CLASP1: variants seen among roughly 807,000 people sequenced by gnomAD.
CLASP1 encodes the protein CLIP-associating protein 1.
A neutral mutation model predicts 192.3 loss-of-function variants in CLASP1; 38 were observed. The observed-to-expected ratio is 0.20, with a 90% CI of 0.15 to 0.26. The LOEUF (loss-of-function observed/expected upper bound fraction) is 0.26, where lower values mean the gene tolerates loss of function less well. Among genes scored for constraint, CLASP1 ranks in the 10% least tolerant of loss-of-function variants. The pLI, the probability that CLASP1 is intolerant of heterozygous loss-of-function variation, is 1.00. For missense variants in CLASP1, 1,433 were observed against 1,932.5 expected (o/e 0.74, Z 4.85); for synonymous variants, 691 against 712.8 (o/e 0.97, Z 0.49).
intron 19 of CLASP1, among the ~76,000 whole-genome samples, chr2:121,437,343 T>C (rs2082480439): frequency 6.6e-6 from 1 of 152,236 alleles, no homozygotes; most frequent in East Asian, 1.9e-4. Context: ...TTGGTCATTC[T>C]TGATAGCCTC....
At chr2:121,425,139 C>T (rs771773438) in exon 22 of CLASP1, 1 of 1,609,656 alleles carries the variant, frequency 6.2e-7, no homozygotes, top group Non-Finnish European at 8.5e-7. Context: ...GAATCCTTAC[C>T]TAATCCTATT....
At chr2:121,554,881 C>A (rs2058394760) in intron 2 of CLASP1, among the ~76,000 whole-genome samples, 1 of 152,168 alleles carries the variant, frequency 6.6e-6, no homozygotes, top group Admixed American at 6.5e-5. Context: ...TAAATTATAT[C>A]TCAGTAAAGC....
intron 37 of CLASP1, among the ~76,000 whole-genome samples, chr2:121,351,090 G>C (rs1029232167): frequency 1.3e-5 from 2 of 152,158 alleles, no homozygotes; most frequent in Admixed American, 1.3e-4. Context: ...CACCTCATTC[G>C]TCTTCCTGAA....
intron 8 of CLASP1, among the ~76,000 whole-genome samples, chr2:121,477,394 TA>T (rs1364452399): frequency 6.6e-6 from 1 of 152,168 alleles, no homozygotes; most frequent in Non-Finnish European, 1.5e-5. Flanking sequence ...CAAAGACAAT[TA>T]AAACCTCAAA....
At chr2:121,479,022 A>ACACAC (rs2092336387) in intron 8 of CLASP1, among the ~76,000 whole-genome samples, 1 of 55,562 alleles carries the variant, frequency 1.8e-5, no homozygotes, top group Non-Finnish European at 3.0e-5. Context: ...CACACCACAC[A>ACACAC]CACACACACC....
chr2:121,341,150 G>C (rs1222277027), intron 39 of CLASP1, among the ~76,000 whole-genome samples: 1 of 152,180 alleles, frequency 6.6e-6, no homozygotes, highest in East Asian at 1.9e-4. Context: ...AGGGAGGGAG[G>C]AGGCCAGAGT....
At chr2:121,478,131 CATT>C (rs1385305408) in intron 8 of CLASP1, among the ~76,000 whole-genome samples, 1 of 152,122 alleles carries the variant, frequency 6.6e-6, no homozygotes, top group East Asian at 1.9e-4. Context: ...AAATAATTAA[CATT>C]ATAGCCATGT....
At chr2:121,340,821 C>A in exon 40 of CLASP1, 1 of 1,505,972 alleles carries the variant, frequency 6.6e-7, no homozygotes, top group South Asian at 1.2e-5. Context: ...AGAGGCACCA[C>A]CGATTGCTTC....
intron 2 of CLASP1, among the ~76,000 whole-genome samples, chr2:121,544,907 C>CTT (rs3078562): frequency 3.3e-5 from 4 of 122,884 alleles, no homozygotes; most frequent in Admixed American, 8.2e-5. Context: ...CTTTTCTTTT[C>CTT]TTTTTTTTTT....
chr2:121,375,015 C>A (rs941379817), intron 34 of CLASP1, among the ~76,000 whole-genome samples: 4 of 152,080 alleles, frequency 2.6e-5, no homozygotes, highest in Admixed American at 6.6e-5. Flanking sequence ...ATGGGAGGGG[C>A]CGGGGGTAGA....
chr2:121,545,912 T>TAA (rs34508121), intron 2 of CLASP1, among the ~76,000 whole-genome samples: 3 of 147,206 alleles, frequency 2.0e-5, no homozygotes, highest in African/African-American at 4.9e-5. Context: ...GCTCATTACT[T>TAA]AAAAAAAAAA....
intron 2 of CLASP1, among the ~76,000 whole-genome samples, chr2:121,588,050 T>C (rs547887630): frequency 1.1e-3 from 165 of 151,476 alleles, no homozygotes; most frequent in African/African-American, 3.9e-3. Context: ...GGTACTACCC[T>C]GTAGTCCCAG....
intron 20 of CLASP1, among the ~76,000 whole-genome samples, chr2:121,427,676 C>A (rs1376493947): frequency 6.6e-6 from 1 of 152,216 alleles, no homozygotes; most frequent in Non-Finnish European, 1.5e-5. Context: ...GCCAGGCTCA[C>A]ATCTGCTTTC....
At chr2:121,416,442 T>C (rs994836475) in intron 23 of CLASP1, among the ~76,000 whole-genome samples, 6 of 152,206 alleles carry the variant, frequency 3.9e-5, no homozygotes, top group Non-Finnish European at 7.3e-5. Flanking sequence ...AAGAGCTGGC[T>C]ACGTAAGTGG....
At chr2:121,644,017 A>G (rs2072648864) in intron 1 of CLASP1, among the ~76,000 whole-genome samples, 1 of 152,186 alleles carries the variant, frequency 6.6e-6, no homozygotes, top group Non-Finnish European at 1.5e-5. Flanking sequence ...CTACATGGTT[A>G]TTAACTCCTA....
chr2:121,605,225 G>C (rs1437807880), intron 2 of CLASP1, among the ~76,000 whole-genome samples: 2 of 146,280 alleles, frequency 1.4e-5, no homozygotes, highest in African/African-American at 2.5e-5. Flanking sequence ...AAAAGTCCTT[G>C]ACAACCTATT....
intron 35 of CLASP1, 67 bp from the exon 37 acceptor site, chr2:121,365,351 G>A: frequency 7.1e-7 from 1 of 1,417,702 alleles, no homozygotes; most frequent in Non-Finnish European, 9.7e-7. Flanking sequence ...TTGCTCAGTG[G>A]TGCGCAGTGA....
At chr2:121,410,924 T>C in exon 24 of CLASP1, 1 of 1,611,976 alleles carries the variant, frequency 6.2e-7, no homozygotes, top group Non-Finnish European at 8.5e-7. Flanking sequence ...TCTCATGGCA[T>C]TCACAGAACC....
intron 1 of CLASP1, among the ~76,000 whole-genome samples, chr2:121,641,910 A>G (rs1434452550): frequency 6.6e-6 from 1 of 152,128 alleles, no homozygotes; most frequent in Admixed American, 6.6e-5. Context: ...CTACAGTCCC[A>G]GCTACTCAGG....
Sources: allele counts gnomAD v4.1 joint callset (sites outside exome capture counted in the v4.1 genomes callset), GRCh38; gene constraint gnomAD v4.1.1; transcripts MANE v1.5; gene names NCBI Gene and HGNC (gene_info 2026-07-23, HGNC 2026-07-21).